The following MSI2 variants were observed in gnomAD, a reference collection of about 807,000 sequenced individuals.
MSI2 encodes the protein musashi RNA binding protein 2, also known as RNA-binding protein Musashi homolog 2.
MSI2 carries 17 observed loss-of-function variants against 45.6 expected under a neutral mutation model. The ratio of observed to expected loss-of-function variants is 0.37; its 90% CI spans 0.26 to 0.56. The LOEUF (loss-of-function observed/expected upper bound fraction) is 0.56. MSI2 is among the 20% of genes least tolerant of loss of function. MSI2 has a pLI of 0.77. For missense variants in MSI2, 293 were observed against 444.2 expected (o/e 0.66, Z 3.06); for synonymous variants, 156 against 158.2 (o/e 0.99, Z 0.11).
At chr17:57,655,800 TG>T (rs1388059483) in intron 11 of MSI2, among the ~76,000 whole-genome samples, 1 of 152,244 alleles carries the variant, frequency 6.6e-6, no homozygotes, top group African/African-American at 2.4e-5. Flanking sequence ...TAGTACCAGC[TG>T]GTTTGCATGT....
At chr17:57,580,837 C>T (rs1054202681) in intron 7 of MSI2, among the ~76,000 whole-genome samples, 9 of 152,050 alleles carry the variant, frequency 5.9e-5, no homozygotes, top group Non-Finnish European at 1.2e-4. Flanking sequence ...TCACCGCAGT[C>T]AACATTTATT....
At chr17:57,321,427 C>G (rs988398913) in intron 5 of MSI2, among the ~76,000 whole-genome samples, 1 of 152,164 alleles carries the variant, frequency 6.6e-6, no homozygotes, top group African/African-American at 2.4e-5. Flanking sequence ...CCCCCTCCCA[C>G]GCCAACCTCC....
At chr17:57,506,618 G>T (rs1217599637) in intron 6 of MSI2, among the ~76,000 whole-genome samples, 1 of 152,182 alleles carries the variant, frequency 6.6e-6, no homozygotes, top group Non-Finnish European at 1.5e-5. Context: ...CGAGGGAGTA[G>T]GGAGAAGGCT....
At chr17:57,586,191 G>T (rs72833102) in intron 7 of MSI2, among the ~76,000 whole-genome samples, 1 of 152,164 alleles carries the variant, frequency 6.6e-6, no homozygotes, top group African/African-American at 2.4e-5. Flanking sequence ...TGAGGCTGGG[G>T]TTGTCTGGCC....
Position 57,589,074 on chromosome 17 carries a change from G to A in MSI2, c.455-7794G>A, listed in dbSNP as rs190871689. Among the ~76,000 whole-genome samples the A allele has an allele frequency of 1.1e-4, 16 of 152,220 alleles. No individual in the cohort carries two copies. In the East Asian group the frequency reaches 2.7e-3, roughly 26 times the overall value. Reference sequence around the variant, plus strand: ...ATAACCACCTTTGGGAAGCAGATGCGAGTTGTAATGGAAGGAATCCTAGCC... The same window carrying A: ...ATAACCACCTTTGGGAAGCAGATGCAAGTTGTAATGGAAGGAATCCTAGCC... On this transcript the variant is annotated intron_variant, in intron 7 of 13. Coordinates refer to ENST00000284073, the MANE Select transcript of MSI2 (RefSeq NM_138962.4).
At chr17:57,359,915 A>T (rs1005323950) in intron 5 of MSI2, among the ~76,000 whole-genome samples, 2 of 152,040 alleles carry the variant, frequency 1.3e-5, no homozygotes, top group Non-Finnish European at 2.9e-5. Context: ...TTTATTTGTG[A>T]TGTGGGGTAT....
chr17:57,376,953 C>T (rs2083508067), intron 5 of MSI2, among the ~76,000 whole-genome samples: 2 of 145,848 alleles, frequency 1.4e-5, no homozygotes, highest in South Asian at 2.2e-4. Context: ...CGGAGTCTCG[C>T]TCTGTCCCCC....
intron 6 of MSI2, among the ~76,000 whole-genome samples, chr17:57,506,999 G>T (rs1037717747): frequency 2.0e-5 from 3 of 152,138 alleles, no homozygotes; most frequent in African/African-American, 7.2e-5. Flanking sequence ...ACATCTTAAA[G>T]ATGCTAATTT....
At chr17:57,538,617 T>A (rs2086973483) in intron 7 of MSI2, among the ~76,000 whole-genome samples, 1 of 152,100 alleles carries the variant, frequency 6.6e-6, no homozygotes, top group Admixed American at 6.5e-5. Flanking sequence ...TCCCCCTTCC[T>A]CCTTAAGTGA....
At chr17:57,314,263 C>T (rs909700921) in intron 5 of MSI2, among the ~76,000 whole-genome samples, 4 of 152,220 alleles carry the variant, frequency 2.6e-5, no homozygotes, top group Non-Finnish European at 2.9e-5. Flanking sequence ...CTGTCAAGAC[C>T]GTATCTCTAA....
At chr17:57,667,219 G>A (rs1449665274) in intron 11 of MSI2, among the ~76,000 whole-genome samples, 1 of 152,192 alleles carries the variant, frequency 6.6e-6, no homozygotes, top group African/African-American at 2.4e-5. Flanking sequence ...GTTATTCCTT[G>A]CAAATTCTAA....
intron 6 of MSI2, among the ~76,000 whole-genome samples, chr17:57,409,371 A>G (rs962816444): frequency 6.6e-6 from 1 of 152,376 alleles, no homozygotes; most frequent in East Asian, 1.9e-4. Context: ...GCCTCTAAGA[A>G]TGAAATGGAA....
chr17:57,363,789 AACAAAC>A (rs527357576), intron 5 of MSI2, among the ~76,000 whole-genome samples: 2,404 of 150,606 alleles, frequency 0.016, 37 homozygotes, highest in African/African-American at 0.036. Flanking sequence ...CAACAACAAC[AACAAAC>A]AACAACAACA....
intron 6 of MSI2, among the ~76,000 whole-genome samples, chr17:57,511,967 C>G (rs1357555785): frequency 7.2e-5 from 11 of 152,198 alleles, no homozygotes; most frequent in Admixed American, 3.9e-4. Flanking sequence ...TACCAGGTCC[C>G]TGGTGCCCCT....
intron 6 of MSI2, among the ~76,000 whole-genome samples, chr17:57,468,280 A>C (rs948716101): frequency 6.6e-6 from 1 of 151,534 alleles, no homozygotes; most frequent in Non-Finnish European, 1.5e-5. Context: ...TAATCCCAGC[A>C]CTTTGGGAGG....
At chr17:57,535,790 G>C (rs1265454186) in intron 7 of MSI2, among the ~76,000 whole-genome samples, 1 of 152,238 alleles carries the variant, frequency 6.6e-6, no homozygotes, top group Non-Finnish European at 1.5e-5. Context: ...TGGCCGGAGA[G>C]CTTGGGTTCT....
intron 6 of MSI2, among the ~76,000 whole-genome samples, chr17:57,405,113 C>G (rs1303597833): frequency 6.6e-6 from 1 of 152,136 alleles, no homozygotes. Flanking sequence ...GGGCTTCATG[C>G]TGGGCCTAAC....
chr17:57,575,147 T>TCCC lies in MSI2; in HGVS notation c.455-21720_455-21718dup, dbSNP rs371180511. On this transcript the variant is annotated intron_variant, in intron 7 of 13. Coordinates refer to ENST00000284073, the MANE Select transcript of MSI2 (RefSeq NM_138962.4). ...GCCCGGCCGCATTCTCTTTTTTAAC[T>TCCC]CCCTCCCCCCGCCACCCCCCGGCTG... 1.3e-3 allele frequency among the ~76,000 whole-genome samples: 158 copies of TCCC among 119,568 alleles called. 5 individuals are homozygous for TCCC. The highest frequency in any genetic ancestry group is 4.7e-3 in the African/African-American group (131 of 27,654). 78.4% of individuals were successfully genotyped at this position (119,568 alleles called of 152,430 possible). A position where few individuals can be genotyped will look rare whatever the true frequency, so the allele number is the denominator to read the frequency against.
intron 6 of MSI2, among the ~76,000 whole-genome samples, chr17:57,404,937 G>A (rs561069063): frequency 3.3e-5 from 5 of 152,256 alleles, no homozygotes; most frequent in South Asian, 2.1e-4. Flanking sequence ...GTCACGAAGC[G>A]TGGCCACTGG....
Sources: allele counts gnomAD v4.1 joint callset (sites outside exome capture counted in the v4.1 genomes callset), GRCh38; gene constraint gnomAD v4.1.1; transcripts MANE v1.5; gene names NCBI Gene and HGNC (gene_info 2026-07-23, HGNC 2026-07-21).